The following XKR6 variants were observed in gnomAD, a reference collection of about 807,000 sequenced individuals.
The protein encoded by XKR6 is XK-related protein 6.
In XKR6, 22 loss-of-function variants were observed where a neutral mutation model predicts 56.7. The ratio of observed to expected loss-of-function variants is 0.39; its 90% CI spans 0.28 to 0.55. The LOEUF (loss-of-function observed/expected upper bound fraction) is 0.55. XKR6 is among the 20% of genes least tolerant of loss of function. XKR6 has a pLI of 0.66. For synonymous variants in XKR6, 524 were observed against 387.8 expected (o/e 1.35, Z -4.13); for missense variants, 852 against 889.0 (o/e 0.96, Z 0.53).
At chr8:10,995,862 G>C (rs987794234) in intron 1 of XKR6, among the ~76,000 whole-genome samples, 1 of 152,174 alleles carries the variant, frequency 6.6e-6, no homozygotes, top group Non-Finnish European at 1.5e-5. Context: ...TTCCTCTTTG[G>C]TGAAGACCAT....
chr8:11,015,481 C>G (rs550053368), intron 1 of XKR6, among the ~76,000 whole-genome samples: 1 of 152,236 alleles, frequency 6.6e-6, no homozygotes, highest in East Asian at 1.9e-4. Flanking sequence ...AACCACCCCC[C>G]ACCCCCACCT....
At chr8:11,017,064 C>G (rs4074693) in intron 1 of XKR6, among the ~76,000 whole-genome samples, 2 of 152,234 alleles carry the variant, frequency 1.3e-5, no homozygotes, top group East Asian at 3.9e-4. Context: ...AGATCATAGA[C>G]AGATGGATGA....
At chr8:10,963,985 T>G (rs1438785775) in intron 1 of XKR6, among the ~76,000 whole-genome samples, 1 of 152,202 alleles carries the variant, frequency 6.6e-6, no homozygotes, top group Non-Finnish European at 1.5e-5. Flanking sequence ...GTCTATAAAA[T>G]GGGCAACATA....
At chr8:10,999,501 A>G (rs1313865263) in intron 1 of XKR6, among the ~76,000 whole-genome samples, 3 of 152,226 alleles carry the variant, frequency 2.0e-5, no homozygotes, top group Non-Finnish European at 4.4e-5. Flanking sequence ...ATACTTCTTT[A>G]TCTTCAGAAG....
chr8:11,029,454 C>G (rs1308281303), intron 1 of XKR6, among the ~76,000 whole-genome samples: 2 of 152,082 alleles, frequency 1.3e-5, no homozygotes, highest in Admixed American at 6.5e-5. Context: ...GGATGTAGCC[C>G]CCATGATGGG....
At chr8:11,179,103 C>T (rs1038312049) in intron 1 of XKR6, among the ~76,000 whole-genome samples, 4 of 150,798 alleles carry the variant, frequency 2.7e-5, no homozygotes, top group African/African-American at 7.3e-5. Flanking sequence ...GCAATCCTCC[C>T]GCATCAGCCT....
At chr8:11,119,451 T>C (rs1799340219) in intron 1 of XKR6, among the ~76,000 whole-genome samples, 1 of 152,204 alleles carries the variant, frequency 6.6e-6, no homozygotes, top group African/African-American at 2.4e-5. Context: ...TCTAAGTCTC[T>C]TTGTAGGTCA....
At chr8:11,148,482 G>A (rs1274132390) in intron 1 of XKR6, among the ~76,000 whole-genome samples, 2 of 152,204 alleles carry the variant, frequency 1.3e-5, no homozygotes, top group Non-Finnish European at 2.9e-5. Context: ...CATTGCTGTT[G>A]TTTAAGCGCC....
At chr8:10,941,579 C>A (rs1254306489) in intron 1 of XKR6, among the ~76,000 whole-genome samples, 1 of 152,206 alleles carries the variant, frequency 6.6e-6, no homozygotes, top group African/African-American at 2.4e-5. Context: ...GCACTGGGTC[C>A]CCAGCCCCTA....
At chr8:10,996,472 C>T (rs1356794821) in intron 1 of XKR6, among the ~76,000 whole-genome samples, 1 of 152,182 alleles carries the variant, frequency 6.6e-6, no homozygotes, top group Non-Finnish European at 1.5e-5. Flanking sequence ...GACCAGAGCA[C>T]ATCTCTATAC....
At chr8:10,927,667 A>T (rs1258305584) in intron 1 of XKR6, among the ~76,000 whole-genome samples, 3 of 152,082 alleles carry the variant, frequency 2.0e-5, no homozygotes, top group African/African-American at 7.2e-5. Context: ...CCCTCTGCCC[A>T]CCAAGGCCGG....
At position 10,911,202 on chromosome 8, in the gene XKR6, G is replaced by A. The variant is rs935897023; in HGVS notation, c.962-12286C>T. On this transcript the variant is annotated intron_variant, in intron 2 of 2. Transcript: ENST00000416569. ...ATACATATAGAGAGAGGGTGTGCGTGTGTGTGTGTGTGTGTGTGTGTGTGT... is the reference window on the plus strand; with the variant it reads ...ATACATATAGAGAGAGGGTGTGCGTATGTGTGTGTGTGTGTGTGTGTGTGT... Among the ~76,000 whole-genome samples, 448 of 114,648 alleles carry A rather than the reference G, an allele frequency of 3.9e-3. 2 individuals carry two copies. Among genetic ancestry groups the A allele is most frequent in the African/African-American group, 8.8e-3 (225 of 25,520 alleles). The allele number at this position is 114,648 out of a possible 152,430, so 75.2% of individuals were successfully genotyped here. A position where few individuals can be genotyped will look rare whatever the true frequency, so the allele number is the denominator to read the frequency against.
intron 1 of XKR6, among the ~76,000 whole-genome samples, chr8:10,971,808 G>A (rs989822908): frequency 4.6e-5 from 7 of 152,190 alleles, no homozygotes; most frequent in Admixed American, 4.6e-4. Context: ...CTCTTGCTCA[G>A]ATCTTGGGCC....
intron 1 of XKR6, among the ~76,000 whole-genome samples, chr8:11,155,196 A>G (rs965301514): frequency 6.6e-6 from 1 of 152,218 alleles, no homozygotes; most frequent in African/African-American, 2.4e-5. Context: ...TGGCTTGGCC[A>G]CTGTTACCAA....
intron 2 of XKR6, among the ~76,000 whole-genome samples, chr8:10,910,288 A>T (rs949070844): frequency 1.1e-4 from 1 of 9,172 alleles, no homozygotes; most frequent in African/African-American, 5.1e-4. Flanking sequence ...TAAATCAATT[A>T]AAAAATAGAC....
intron 1 of XKR6, among the ~76,000 whole-genome samples, chr8:11,067,687 TTCC>T (rs1198483107): frequency 3.3e-5 from 5 of 152,232 alleles, no homozygotes; most frequent in Admixed American, 2.6e-4. Context: ...CACACACAGT[TTCC>T]TCTTCTTTCC....
At chr8:10,930,086 G>A (rs919623527) in intron 1 of XKR6, among the ~76,000 whole-genome samples, 1 of 150,710 alleles carries the variant, frequency 6.6e-6, no homozygotes, top group Non-Finnish European at 1.5e-5. Context: ...AATCAGAGAA[G>A]GTCTCGTCCA....
intron 1 of XKR6, among the ~76,000 whole-genome samples, chr8:10,960,831 C>A (rs1325520163): frequency 6.6e-6 from 1 of 152,238 alleles, no homozygotes; most frequent in South Asian, 2.1e-4. Context: ...GAGGCAGGAA[C>A]AATTCTAGGA....
chr8:11,033,767 C>T (rs1189852604), intron 1 of XKR6, among the ~76,000 whole-genome samples: 6 of 152,164 alleles, frequency 3.9e-5, no homozygotes, highest in African/African-American at 1.4e-4. Context: ...GTGAATTATG[C>T]AGATACCCAG....
Sources: allele counts gnomAD v4.1 joint callset (sites outside exome capture counted in the v4.1 genomes callset), GRCh38; gene constraint gnomAD v4.1.1; transcripts MANE v1.5; gene names NCBI Gene and HGNC (gene_info 2026-07-23, HGNC 2026-07-21).